The following SETX variants were observed in gnomAD, a reference collection of about 807,000 sequenced individuals.
SETX encodes the protein senataxin.
SETX carries 90 observed loss-of-function variants against 227.2 expected under a neutral mutation model. The observed-to-expected ratio is 0.40, with a 90% confidence interval of 0.33 to 0.47. The LOEUF (loss-of-function observed/expected upper bound fraction) is 0.47. Ranked by LOEUF, SETX falls within the 20% of genes least tolerant of loss-of-function variation. The probability of loss-of-function intolerance (pLI) is 0.91; values close to 1 mark genes in which losing one functional copy is unlikely to be tolerated. For synonymous variants in SETX, 1,210 were observed against 1,113.2 expected (o/e 1.09, Z -1.73); for missense variants, 3,052 against 3,181.5 (o/e 0.96, Z 0.98).
chr9:132,355,628 C>T (rs868405648), upstream of SETX, among the ~76,000 whole-genome samples: 1 of 152,178 alleles, frequency 6.6e-6, no homozygotes, highest in Middle Eastern at 3.4e-3. Flanking sequence ...TCGCTTGAGC[C>T]CGGAGTTCAG....
rs1283734981 is a variant in SETX, at chr9:132,271,759, A to T, written c.7150T>A (p.Cys2384Ser). The T allele has an allele frequency of 6.2e-7, 1 of 1,614,106 alleles. No individual in the cohort carries two copies. Residue 2384 changes from cysteine (C) to serine (S), a missense_variant, in exon 24 of 26, where the codon TGT becomes AGT. Transcript: ENST00000224140. ...VDAFQGRQKD[C>S]VIVTCVRANS... ...GCTCTGACACACGTAACAATAACAC[A>T]ATCCTTCTGCCGACCCTGGAATGCA...
Position 132,295,886 on chromosome 9 carries a change from T to C in SETX, c.6092A>G (p.Lys2031Arg), listed in dbSNP as rs1294787589. 1.2e-6 allele frequency: 2 copies of C among 1,613,638 alleles called. No homozygotes were observed. Among genetic ancestry groups the C allele is most frequent in the Non-Finnish European group, 1.7e-6 (2 of 1,179,666 alleles). Reference sequence around the variant, plus strand: ...AAGTATCATACCTAAAGGATTCTTCTTGTCTTTACATTTTTCTTTGAATTC... The same window carrying C: ...AAGTATCATACCTAAAGGATTCTTCCTGTCTTTACATTTTTCTTTGAATTC... ...ILEFKEKCKD[K>R]KNPLGNCGDI... The change falls in exon 15 of 26, where the codon AAG (lysine) becomes AGG (arginine). Residue 2031 changes from lysine to arginine, a missense_variant. Lys to Arg is a conservative substitution (Grantham distance 26). This residue lies in a region of SETX where 412 missense variants were observed against 589.0 expected (regional missense o/e 0.70). Coordinates refer to ENST00000224140, the MANE Select transcript of SETX (RefSeq NM_015046.7).
At chr9:132,279,945 A>G (rs1156458959) in intron 20 of SETX, among the ~76,000 whole-genome samples, 1 of 152,216 alleles carries the variant, frequency 6.6e-6, no homozygotes, top group Non-Finnish European at 1.5e-5. Context: ...ACATAAACAT[A>G]TACATGTATA....
chr9:132,277,265 G>T, intron 21 of SETX, 113 bp from the exon 22 acceptor site: 1 of 830,858 alleles, frequency 1.2e-6, no homozygotes, highest in Non-Finnish European at 2.0e-6. Flanking sequence ...CAAGTAAGGG[G>T]ATAGCAGGAA....
intron 23 of SETX, 33 bp downstream of exon 23, chr9:132,275,223 A>G (rs200535038): frequency 1.2e-6 from 2 of 1,606,074 alleles, no homozygotes; most frequent in African/African-American, 1.3e-5. Flanking sequence ...TAATTCAACA[A>G]GAAAATTGGA....
intron 7 of SETX, 40 bp from the exon 8 acceptor site, chr9:132,331,488 T>C (rs1320896226): frequency 1.1e-5 from 18 of 1,587,450 alleles, no homozygotes; most frequent in Non-Finnish European, 1.4e-5. Flanking sequence ...ACTAAACAGT[T>C]AGAAAAACAT....
At chr9:132,266,215 C>G (rs1288114686) in intron 25 of SETX, 2 of 152,986 alleles carry the variant, frequency 1.3e-5, no homozygotes, top group African/African-American at 4.8e-5. Context: ...TGACCTTGGT[C>G]AAGTCACTTG....
chr9:132,277,182 A>T, intron 21 of SETX, 30 bp from the exon 22 acceptor site: 1 of 1,588,086 alleles, frequency 6.3e-7, no homozygotes, highest in Non-Finnish European at 8.6e-7. Context: ...GTCAACATTC[A>T]GAATAAAGTC....
At position 132,277,146 on chromosome 9, in the gene SETX, T is replaced by C. The variant is rs1446169841; in HGVS notation, c.6849A>G (p.Thr2283=). Reference sequence around the variant, plus strand: ...AATCTGATGAACATCGAATGGCTTCTGTCTGTCTGTAAAAAAAAAAAAGCA... The same window carrying C: ...AATCTGATGAACATCGAATGGCTTCCGTCTGTCTGTAAAAAAAAAAAAGCA... ...YNRNLKTNRQ[T]EAIRCSSDWP... Residue 2283 remains threonine (T), a synonymous_variant, in exon 22 of 26, where the codon ACA becomes ACG. Transcript: ENST00000224140. 2 of 1,608,996 alleles carry C rather than the reference T, an allele frequency of 1.2e-6. No homozygotes were observed. Among genetic ancestry groups the C allele is most frequent in the Admixed American group, 1.7e-5 (1 of 59,702 alleles).
chr9:132,346,192 T>G lies in SETX; in HGVS notation c.388+69A>C, dbSNP rs57353091. 25,239 of 1,285,578 alleles carry G rather than the reference T, an allele frequency of 0.02. 335 individuals are homozygous for G. Among genetic ancestry groups the G allele is most frequent in the South Asian group, 0.039 (3,180 of 81,778 alleles). 79.6% of individuals were successfully genotyped at this position (1,285,578 alleles called of 1,614,324 possible). On this transcript the variant is annotated intron_variant, in intron 4 of 25. Coordinates refer to ENST00000224140, the MANE Select transcript of SETX (RefSeq NM_015046.7). The stretch of plus-strand genomic sequence containing the variant: ...TTAGCAAACAAATTTGCAATATAGA[T>G]AAGCCTAAATTCTTATGGTACTAAA...
chr9:132,327,215 T>A lies in SETX; in HGVS notation c.4383A>T (p.Ser1461=). Residue 1461 remains serine (S), a synonymous_variant, in exon 10 of 26, where the codon TCA becomes TCT. Transcript: ENST00000224140. ...GATCACCTCCACCCAGAGGGTCTTCTGAAGTGGAGACAATTACTTCATTTG... is the reference window on the plus strand; with the variant it reads ...GATCACCTCCACCCAGAGGGTCTTCAGAAGTGGAGACAATTACTTCATTTG... The part of the protein sequence containing the change: ...VPTNEVIVST[S]EDPLGGGDPT... 6.2e-7 allele frequency: 1 copy of A among 1,614,268 alleles called. No homozygotes were observed. The highest frequency in any genetic ancestry group is 1.3e-5 in the African/African-American group (1 of 75,078).
intron 2 of SETX, among the ~76,000 whole-genome samples, chr9:132,350,903 G>C (rs561458609): frequency 8.5e-4 from 130 of 152,086 alleles, no homozygotes; most frequent in African/African-American, 3.0e-3. Context: ...TCATCGACGT[G>C]GGGGGGAAAA....
At chr9:132,291,753 G>A (rs1392508997) in intron 15 of SETX, among the ~76,000 whole-genome samples, 2 of 152,168 alleles carry the variant, frequency 1.3e-5, no homozygotes, top group Non-Finnish European at 1.5e-5. Context: ...CATTCTTGAG[G>A]TATAATTTAC....
At chr9:132,304,424 T>A (rs1266019638) in intron 11 of SETX, among the ~76,000 whole-genome samples, 1 of 151,308 alleles carries the variant, frequency 6.6e-6, no homozygotes, top group African/African-American at 2.4e-5. Context: ...CAGAAAAGGG[T>A]GTCACTGAAC....
intron 15 of SETX, among the ~76,000 whole-genome samples, chr9:132,291,093 T>C (rs1187914338): frequency 6.6e-6 from 1 of 151,944 alleles, no homozygotes; most frequent in African/African-American, 2.4e-5. Context: ...CTACAGCATA[T>C]TTTTTATCCC....
At chr9:132,275,193 C>G in intron 23 of SETX, 63 bp downstream of exon 23, 1 of 1,540,946 alleles carries the variant, frequency 6.5e-7, no homozygotes, top group Non-Finnish European at 9.0e-7. Flanking sequence ...TTTCTTCTTT[C>G]CTTCTATATC....
At chr9:132,321,404 C>A (rs541429096) in intron 10 of SETX, among the ~76,000 whole-genome samples, 1 of 152,114 alleles carries the variant, frequency 6.6e-6, no homozygotes, top group Non-Finnish European at 1.5e-5. Flanking sequence ...CACCTGTAAT[C>A]CCAGCACTTT....
Position 132,329,025 on chromosome 9 carries a change from G to A in SETX, c.2573C>T (p.Ser858Phe), listed in dbSNP as rs770609067. The change falls in exon 10 of 26, where the codon TCT becomes TTT. Residue 858 changes from serine to phenylalanine, a missense_variant. Transcript: ENST00000224140. ...VLDDKNGEQK[S>F]QNNVLPKEKQ... ...CTCTTTTGGCAATACATTGTTTTGA[G>A]ATTTTTGTTCTCCATTCTTATCATC... is the stretch of plus-strand genomic sequence containing the variant. 6.2e-7 allele frequency: 1 copy of A among 1,607,402 alleles called. No homozygotes were observed. Among genetic ancestry groups the A allele is most frequent in the African/African-American group, 1.3e-5 (1 of 74,860 alleles).
At position 132,327,011 on chromosome 9, in the gene SETX, A is replaced by G; in HGVS notation, c.4587T>C (p.Val1529=). 3 of 1,614,238 alleles carry G rather than the reference A, an allele frequency of 1.9e-6. No individual in the cohort carries two copies. Among genetic ancestry groups the G allele is most frequent in the Non-Finnish European group, 2.5e-6 (3 of 1,180,040 alleles). Residue 1529 remains valine (V), a synonymous_variant, in exon 10 of 26, where the codon GTT becomes GTC. Coordinates refer to ENST00000224140, the MANE Select transcript of SETX (RefSeq NM_015046.7). ...GACTTACAGAATCTTCTTCAACCTC[A>G]ACTGTATCTTTTCCATGAATTAGTT... ...LIELIHGKDT[V]EVEEDSVSRP...
Sources: allele counts gnomAD v4.1 joint callset (sites outside exome capture counted in the v4.1 genomes callset), GRCh38; gene constraint gnomAD v4.1.1; regional missense constraint gnomAD v4.1.1; transcripts MANE v1.5; gene names NCBI Gene and HGNC (gene_info 2026-07-23, HGNC 2026-07-21).